The following OSBPL7 variants were observed in gnomAD, a reference collection of about 807,000 sequenced individuals.
OSBPL7 encodes oxysterol binding protein like 7.
A neutral mutation model predicts 115.8 loss-of-function variants in OSBPL7; 66 were observed. The observed-to-expected ratio is 0.57, with a 90% CI of 0.47 to 0.70. The LOEUF (loss-of-function observed/expected upper bound fraction) is 0.70, where lower values mean the gene tolerates loss of function less well. Ranked by LOEUF, OSBPL7 falls within the 30% of genes least tolerant of loss-of-function variation. The pLI, the probability that OSBPL7 is intolerant of heterozygous loss-of-function variation, is 0.00. For missense variants in OSBPL7, 902 were observed against 1,125.5 expected, an observed-to-expected ratio of 0.80 and a Z score of 2.84; for synonymous variants, 441 against 439.2, an observed-to-expected ratio of 1.00 and a Z score of -0.05.
intron 4 of OSBPL7, chr17:47,819,492 A>C (rs144381533): frequency 8.3e-6 from 5 of 600,580 alleles, no homozygotes; most frequent in Non-Finnish European, 8.9e-6. Flanking sequence ...CTGTCCAGAG[A>C]GCCTTGTACG....
At chr17:47,811,183 C>CT (rs2033029894) in intron 16 of OSBPL7, among the ~76,000 whole-genome samples, 1 of 152,162 alleles carries the variant, frequency 6.6e-6, no homozygotes, top group East Asian at 1.9e-4. Context: ...TGATGACCCT[C>CT]TTCCCCACCA....
chr17:47,812,759 C>T (rs1174403646), intron 16 of OSBPL7, among the ~76,000 whole-genome samples: 2 of 152,218 alleles, frequency 1.3e-5, no homozygotes, highest in East Asian at 1.9e-4. Flanking sequence ...ACACACCACC[C>T]GGGTGTGCTT....
intron 1 of OSBPL7, 45 bp from the exon 2 acceptor site, chr17:47,820,410 C>G (rs1421887446): frequency 1.3e-6 from 1 of 783,254 alleles, no homozygotes; most frequent in Non-Finnish European, 2.0e-6. Flanking sequence ...TCTGCTATCA[C>G]CTTCCCCACC....
At chr17:47,817,126 G>C in intron 8 of OSBPL7, 130 bp downstream of exon 8, 2 of 756,290 alleles carry the variant, frequency 2.6e-6, no homozygotes, top group South Asian at 3.6e-5. Flanking sequence ...TGGGTAAGGG[G>C]TGGGGAGGAA....
chr17:47,808,560 C>G lies in OSBPL7; in HGVS notation c.2398G>C (p.Val800Leu), dbSNP rs755376628. The stretch of plus-strand genomic sequence containing the variant: ...CACCTGAAGAAGCGAGCCTGGTGTA[C>G]GATGTTGTTTTCCTCCATGACTTTG... ...RRKVMEENNI[V>L]HQARFFRRQT... The change falls in exon 22 of 23, where the codon GTA becomes CTA. Residue 800 changes from valine to leucine, a missense_variant. This residue lies in a region of OSBPL7 where 230 missense variants were observed against 312.7 expected (regional missense o/e 0.74). Coordinates refer to ENST00000007414, the MANE Select transcript of OSBPL7 (RefSeq NM_145798.3). This position sits in a 1 kb window ranked among gnomAD's most constrained non-coding sequence, Gnocchi z 6.1. 3 of 1,614,088 alleles carry G rather than the reference C, an allele frequency of 1.9e-6. No homozygotes were observed. The African/African-American group carries it at 4.0e-5, about 22-fold the overall frequency.
Position 47,808,062 on chromosome 17 carries a change from G to A in OSBPL7, c.*229C>T, listed in dbSNP as rs1050430166. The A allele has an allele frequency of 1.7e-6, 1 of 574,396 alleles. No homozygotes were observed. The highest frequency in any genetic ancestry group is 4.7e-4 in the Middle Eastern group (1 of 2,140). 35.6% of individuals were successfully genotyped at this position (574,396 alleles called of 1,614,324 possible). A position where few individuals can be genotyped will look rare whatever the true frequency, so the allele number is the denominator to read the frequency against. ...GAAGGGTCTTACATGCTGGTTGTCTGGGGCAAGGAGACTGGGGAAGCACAG... is the reference window on the plus strand; with the variant it reads ...GAAGGGTCTTACATGCTGGTTGTCTAGGGCAAGGAGACTGGGGAAGCACAG... On this transcript the variant is annotated 3_prime_UTR_variant, in exon 23 of 23. Coordinates refer to ENST00000007414, the MANE Select transcript of OSBPL7 (RefSeq NM_145798.3). This position sits in a 1 kb window ranked among gnomAD's most constrained non-coding sequence, Gnocchi z 6.1.
At chr17:47,810,354 G>A (rs908104752) in intron 18 of OSBPL7, among the ~76,000 whole-genome samples, 2 of 152,162 alleles carry the variant, frequency 1.3e-5, no homozygotes, top group Non-Finnish European at 2.9e-5. Context: ...TGTGAAAACC[G>A]CTGAGTCAGA....
chr17:47,817,392 A>G (rs1441620506), intron 7 of OSBPL7, 33 bp from the exon 8 acceptor site: 5 of 1,495,244 alleles, frequency 3.3e-6, no homozygotes, highest in Non-Finnish European at 4.6e-6. Flanking sequence ...CAAGAACACC[A>G]TTCATTTTTT....
At chr17:47,819,703 A>G in intron 4 of OSBPL7, 26 bp downstream of exon 4, 4 of 1,613,942 alleles carry the variant, frequency 2.5e-6, no homozygotes, top group Non-Finnish European at 3.4e-6. Context: ...CTCCTCCCAC[A>G]ACCCCAAGCC....
chr17:47,809,122 C>A lies in OSBPL7; in HGVS notation c.2124G>T (p.Gly708=). ...CACCTGGCGTGGGTCCCCGGTACAGCCCCTCGTGCCACTTCCCAAAGAGTC... is the reference window on the plus strand; with the variant it reads ...CACCTGGCGTGGGTCCCCGGTACAGACCCTCGTGCCACTTCCCAAAGAGTC... The part of the protein sequence containing the change: ...LHRLFGKWHE[G]LYRGPTPGGQ... Residue 708 remains glycine (G), a synonymous_variant, in exon 20 of 23, where the codon GGG becomes GGT. Coordinates refer to ENST00000007414, the MANE Select transcript of OSBPL7 (RefSeq NM_145798.3). The A allele has an allele frequency of 1.2e-6, 2 of 1,614,162 alleles. No homozygotes were observed. Among genetic ancestry groups the A allele is most frequent in the Admixed American group, 1.7e-5 (1 of 60,032 alleles).
rs768567487 is a variant in OSBPL7, at chr17:47,818,492, A to T, written c.480+14T>A. On this transcript the variant is annotated intron_variant, in intron 6 of 22. Transcript: ENST00000007414. ...TTGCCACATTACCTGCCCCCACCCC[A>T]GGGTCCACCTTACCTTCCGGTGAGC... 2.5e-6 allele frequency: 4 copies of T among 1,591,420 alleles called. No homozygotes were observed. In the South Asian group the frequency reaches 4.6e-5, roughly 18 times the overall value.
chr17:47,811,990 C>T (rs143273383), intron 16 of OSBPL7, among the ~76,000 whole-genome samples: 67 of 152,302 alleles, frequency 4.4e-4, no homozygotes, highest in African/African-American at 1.5e-3. Context: ...GTTGTACGCA[C>T]GAGTGTACTG....
chr17:47,818,539 G>C lies in OSBPL7; in HGVS notation c.447C>G (p.Pro149=), dbSNP rs148280966. 1 of 1,610,198 alleles carries C rather than the reference G, an allele frequency of 6.2e-7. No individual in the cohort carries two copies. The highest frequency in any genetic ancestry group is 1.1e-5 in the South Asian group (1 of 90,372). The change falls in exon 6 of 23, where the codon CCC becomes CCG. Residue 149 remains proline, a synonymous_variant. Coordinates refer to ENST00000007414, the MANE Select transcript of OSBPL7 (RefSeq NM_145798.3). ...AHRLAHRLDM[P]RGSLPSTAHR... ...GAGCAGTACTGGGCAGTGAGCCACG[G>C]GGCATGTCCAGGCGGTGGGCTAGGC...
In OSBPL7 at chr17:47,816,548, C is replaced by A; in HGVS notation, c.928+15G>T. On this transcript the variant is annotated intron_variant, in intron 10 of 22. Transcript: ENST00000007414. This position sits in a 1 kb window ranked among gnomAD's most constrained non-coding sequence, Gnocchi z 5.8. Reference sequence around the variant, plus strand: ...CCTGTCCGCTCCCCACCAGCCCCTCCCAGCAGGCACTTACCCTTCTGGGCC... The same window carrying A: ...CCTGTCCGCTCCCCACCAGCCCCTCACAGCAGGCACTTACCCTTCTGGGCC... The A allele has an allele frequency of 6.2e-7, 1 of 1,603,484 alleles. No individual in the cohort carries two copies. Among genetic ancestry groups the A allele is most frequent in the Non-Finnish European group, 8.5e-7 (1 of 1,174,960 alleles).
intron 13 of OSBPL7, chr17:47,815,008 C>A (rs2143542360): frequency 1.5e-6 from 1 of 668,114 alleles, no homozygotes; most frequent in South Asian, 2.2e-5. Context: ...AATGGGGATA[C>A]AAATGTCACA....
Position 47,816,914 on chromosome 17 carries a change from G to T in OSBPL7, c.703-42C>A. On this transcript the variant is annotated intron_variant, in intron 8 of 22. Transcript: ENST00000007414. This position sits in a 1 kb window ranked among gnomAD's most constrained non-coding sequence, Gnocchi z 5.8. Reference sequence around the variant, plus strand: ...GGGGCAATTTTACTCACAGGGTGGGGAAAAGGGGCAGAAACCATCACAGCC... The same window carrying T: ...GGGGCAATTTTACTCACAGGGTGGGTAAAAGGGGCAGAAACCATCACAGCC... The T allele has an allele frequency of 1.3e-6, 2 of 1,584,004 alleles. No individual in the cohort carries two copies. Among genetic ancestry groups the T allele is most frequent in the Middle Eastern group, 1.7e-4 (1 of 6,010 alleles).
chr17:47,808,871 C>T lies in OSBPL7; in HGVS notation c.2290G>A (p.Asp764Asn), dbSNP rs2143516696. 1 of 1,614,218 alleles carries T rather than the reference C, an allele frequency of 6.2e-7. No homozygotes were observed. The highest frequency in any genetic ancestry group is 8.5e-7 in the Non-Finnish European group (1 of 1,180,036). The change falls in exon 21 of 23, where the codon GAC (aspartate) becomes AAC (asparagine). Residue 764 changes from aspartate to asparagine, a missense_variant. Transcript: ENST00000007414. This position sits in a 1 kb window ranked among gnomAD's most constrained non-coding sequence, Gnocchi z 6.1. The stretch of plus-strand genomic sequence containing the variant: ...CACCCATCCGGCACTGACCTCTGGT[C>T]TGGCCGGAGTCTCGTGTCGGTGGAA... ...LPSTDTRLRP[D>N]QRYLEEGNIQ... is the part of the protein sequence containing the mutation.
In OSBPL7 at chr17:47,815,900, C is replaced by T. The variant is rs117066642; in HGVS notation, c.1119+207G>A. On this transcript the variant is annotated intron_variant, in intron 12 of 22. Transcript: ENST00000007414. ...TGAGAATCACTGCATCAGAGGACCC[C>T]GAATTAAAAGTAAAAGTACCCTGCA... 339 of 510,414 alleles carry T rather than the reference C, an allele frequency of 6.6e-4. 1 individual carries two copies. The highest frequency in any genetic ancestry group is 4.8e-3 in the African/African-American group (248 of 51,314). 31.6% of individuals were successfully genotyped at this position (510,414 alleles called of 1,614,324 possible). A position where few individuals can be genotyped will look rare whatever the true frequency, so the allele number is the denominator to read the frequency against.
At chr17:47,818,736 G>T in intron 5 of OSBPL7, 120 bp from the exon 6 acceptor site, 1 of 939,514 alleles carries the variant, frequency 1.1e-6, no homozygotes. Context: ...CCTGGTTTGT[G>T]CAAGGCTCAC....
Sources: gnomAD v4.1 joint callset for allele counts (sites outside exome capture counted in the v4.1 genomes callset) on GRCh38, gnomAD v4.1.1 for gene constraint, gnomAD v4.1.1 regional missense constraint, Gnocchi (gnomAD v3.1) non-coding constraint, MANE v1.5 for transcripts, NCBI Gene and HGNC (gene_info 2026-07-23, HGNC 2026-07-21) for gene names.